TBC1D2B: variants seen among roughly 807,000 people sequenced by gnomAD.
The protein encoded by TBC1D2B is TBC1 domain family, member 2B.
TBC1D2B carries 64 observed loss-of-function variants against 100.8 expected under a neutral mutation model. That is an observed-to-expected ratio of 0.64 (90% CI 0.52 to 0.78). TBC1D2B has a LOEUF of 0.78. Among genes scored for constraint, TBC1D2B ranks in the 30% least tolerant of loss-of-function variants. TBC1D2B has a pLI of 0.00. For missense variants in TBC1D2B, 1,052 were observed against 1,218.4 expected (o/e 0.86, Z 2.03); for synonymous variants, 480 against 479.7 (o/e 1.00, Z -0.01).
At chr15:78,057,007 C>T (rs1363288725) in intron 1 of TBC1D2B, among the ~76,000 whole-genome samples, 1 of 152,106 alleles carries the variant, frequency 6.6e-6, no homozygotes, top group Non-Finnish European at 1.5e-5. Flanking sequence ...TATTTATGCT[C>T]GGGAGCCACA....
intron 10 of TBC1D2B, 61 bp from the exon 11 acceptor site, chr15:78,003,551 G>A (rs895468117): frequency 2.6e-5 from 35 of 1,334,902 alleles, no homozygotes; most frequent in East Asian, 9.5e-5. Flanking sequence ...GTAAGCAGAC[G>A]AGCAGACGCG....
intron 4 of TBC1D2B, among the ~76,000 whole-genome samples, chr15:78,026,733 T>G (rs2072678610): frequency 6.6e-6 from 1 of 151,964 alleles, no homozygotes; most frequent in Non-Finnish European, 1.5e-5. Flanking sequence ...CTGACCAACA[T>G]GGAGAAACCC....
At chr15:78,054,220 C>T (rs1210884575) in intron 1 of TBC1D2B, 33 bp from the exon 2 acceptor site, 2 of 1,598,460 alleles carry the variant, frequency 1.3e-6, no homozygotes, top group South Asian at 1.1e-5. Flanking sequence ...CATGTTATGG[C>T]CACCAGTAAT....
At chr15:78,061,331 G>T (rs1363587469) in intron 1 of TBC1D2B, among the ~76,000 whole-genome samples, 1 of 152,042 alleles carries the variant, frequency 6.6e-6, no homozygotes, top group Non-Finnish European at 1.5e-5. Flanking sequence ...CCAGCACTTT[G>T]GGAGGCAGAG....
intron 2 of TBC1D2B, among the ~76,000 whole-genome samples, chr15:78,051,429 T>TAGAGTCTG (rs2073311110): frequency 6.6e-6 from 1 of 152,288 alleles, no homozygotes; most frequent in Admixed American, 6.5e-5. Context: ...GTGACTTACT[T>TAGAGTCTG]AGAGTCTGAC....
chr15:78,053,834 G>T, intron 2 of TBC1D2B, 200 bp downstream of exon 2: 1 of 574,886 alleles, frequency 1.7e-6, no homozygotes, highest in Non-Finnish European at 3.0e-6. Context: ...CACTGGCCTT[G>T]CCTGATTCCA....
At chr15:78,039,509 T>C (rs909658182) in intron 3 of TBC1D2B, among the ~76,000 whole-genome samples, 2 of 152,034 alleles carry the variant, frequency 1.3e-5, no homozygotes, top group Non-Finnish European at 2.9e-5. Flanking sequence ...TGAGCACACC[T>C]TCCCGGCTAG....
chr15:78,019,628 C>T (rs1319403777), intron 6 of TBC1D2B, among the ~76,000 whole-genome samples: 1 of 151,834 alleles, frequency 6.6e-6, no homozygotes, highest in Non-Finnish European at 1.5e-5. Flanking sequence ...TGACTCATGC[C>T]TGTAATCCCA....
intron 8 of TBC1D2B, among the ~76,000 whole-genome samples, chr15:78,015,134 G>A (rs1201384090): frequency 1.3e-5 from 2 of 152,188 alleles, no homozygotes; most frequent in Non-Finnish European, 2.9e-5. Context: ...CCGGGAGGCG[G>A]AGCTTGCAGT....
intron 4 of TBC1D2B, among the ~76,000 whole-genome samples, chr15:78,026,205 GT>G (rs1415867241): frequency 6.6e-6 from 1 of 151,072 alleles, no homozygotes; most frequent in East Asian, 1.9e-4. Context: ...GTCCCCCAAA[GT>G]TTATGTGTTA....
intron 8 of TBC1D2B, among the ~76,000 whole-genome samples, chr15:78,013,642 C>T (rs2072293619): frequency 6.6e-6 from 1 of 151,986 alleles, no homozygotes; most frequent in African/African-American, 2.4e-5. Flanking sequence ...ATAAATTTGG[C>T]TACATTAATA....
chr15:78,021,857 T>C lies in TBC1D2B; in HGVS notation c.1470+2299A>G, dbSNP rs375335459. Among the ~76,000 whole-genome samples the C allele has an allele frequency of 9.8e-5, 15 of 152,342 alleles. 1 individual carries two copies. The highest frequency in any genetic ancestry group is 3.4e-4 in the African/African-American group (14 of 41,576). The stretch of plus-strand genomic sequence containing the variant: ...GGAATGTCCTGTTCTGACAGCGCTG[T>C]ATCCCGATCAGCTCCGTTAGCTGTC... On this transcript the variant is annotated intron_variant, in intron 6 of 12. Transcript: ENST00000300584.
At chr15:78,031,579 A>G (rs1424039259) in intron 3 of TBC1D2B, among the ~76,000 whole-genome samples, 2 of 144,794 alleles carry the variant, frequency 1.4e-5, no homozygotes, top group Non-Finnish European at 3.0e-5. Context: ...AAAAAAAGAG[A>G]GAGAGAGAGG....
At chr15:78,061,140 A>T (rs558490953) in intron 1 of TBC1D2B, among the ~76,000 whole-genome samples, 1 of 152,232 alleles carries the variant, frequency 6.6e-6, no homozygotes, top group Non-Finnish European at 1.5e-5. Flanking sequence ...GCTACTTGGG[A>T]GGCTGAGGCA....
intron 12 of TBC1D2B, 49 bp from the exon 13 acceptor site, chr15:77,998,404 G>C (rs766654521): frequency 2.0e-4 from 301 of 1,502,188 alleles, no homozygotes; most frequent in Non-Finnish European, 2.6e-4. Context: ...GCTCCAGAGA[G>C]TGCTCACACA....
rs547210457 is a variant in TBC1D2B, at chr15:78,019,761, G to A, written c.1471-1804C>T. On this transcript the variant is annotated intron_variant, in intron 6 of 12. Coordinates refer to ENST00000300584, the MANE Select transcript of TBC1D2B (RefSeq NM_144572.2). ...AAAAAATTTAGCCAGACGTGATAGC[G>A]CACACCTATAGTCCCAGCTACCCTT... Among the ~76,000 whole-genome samples, 33 of 151,864 alleles carry A rather than the reference G, an allele frequency of 2.2e-4. No individual in the cohort carries two copies. In the South Asian group the frequency reaches 5.7e-3, roughly 26 times the overall value.
chr15:78,008,078 G>C (rs1416722107), intron 10 of TBC1D2B, among the ~76,000 whole-genome samples: 2 of 152,240 alleles, frequency 1.3e-5, no homozygotes, highest in East Asian at 3.8e-4. Context: ...GTGGCTAAGA[G>C]AGAAGCTGCC....
At chr15:78,040,884 G>GAAAGAAAGAAAGAAAAGAAAGAA (rs1307551330) in intron 3 of TBC1D2B, among the ~76,000 whole-genome samples, 1 of 90,372 alleles carries the variant, frequency 1.1e-5, no homozygotes, top group East Asian at 4.7e-4. Flanking sequence ...GAAAGAAAGA[G>GAAAGAAAGAAAGAAAAGAAAGAA]AGAGAGAGAG....
intron 1 of TBC1D2B, among the ~76,000 whole-genome samples, chr15:78,055,545 G>A (rs1006775376): frequency 6.6e-6 from 1 of 152,162 alleles, no homozygotes; most frequent in Non-Finnish European, 1.5e-5. Flanking sequence ...GAAGAAAATG[G>A]CTCTGCAGGC....
Sources: gnomAD v4.1 joint callset for allele counts (sites outside exome capture counted in the v4.1 genomes callset) on GRCh38, gnomAD v4.1.1 for gene constraint, MANE v1.5 for transcripts, NCBI Gene and HGNC (gene_info 2026-07-23, HGNC 2026-07-21) for gene names.